Variants in TREML1 observed in about 807,000 individuals in gnomAD.
TREML1 encodes trem-like transcript 1 protein.
TREML1 carries 27 observed loss-of-function variants against 22.8 expected under a neutral mutation model. The observed-to-expected ratio is 1.19, with a 90% CI of 0.87 to 1.64. The LOEUF (loss-of-function observed/expected upper bound fraction) is 1.64. TREML1 is among the 40% of genes most tolerant of loss of function. The pLI is 0.00. For synonymous variants in TREML1, 153 were observed against 161.9 expected, an observed-to-expected ratio of 0.94 and a Z score of 0.42; for missense variants, 356 against 382.0, an observed-to-expected ratio of 0.93 and a Z score of 0.57.
intron 2 of TREML1, among the ~76,000 whole-genome samples, chr6:41,151,910 G>A (rs1053448682): frequency 6.6e-6 from 1 of 152,168 alleles, no homozygotes; most frequent in Non-Finnish European, 1.5e-5. Flanking sequence ...AATCTGGGTG[G>A]GCCCTCATGT....
At chr6:41,150,592 T>C (rs922184371) in intron 4 of TREML1, among the ~76,000 whole-genome samples, 9 of 152,064 alleles carry the variant, frequency 5.9e-5, no homozygotes, top group African/African-American at 2.2e-4. Context: ...CCCATTGCAT[T>C]GCCCTACCCT....
At chr6:41,151,885 C>T (rs1359938567) in intron 2 of TREML1, among the ~76,000 whole-genome samples, 1 of 152,228 alleles carries the variant, frequency 6.6e-6, no homozygotes, top group East Asian at 1.9e-4. Context: ...AAGCTCTGCC[C>T]TCAGGACTGA....
chr6:41,151,235 C>T, intron 3 of TREML1, 47 bp downstream of exon 3: 2 of 1,521,942 alleles, frequency 1.3e-6, no homozygotes, highest in Non-Finnish European at 9.1e-7. Context: ...GTCATTGTCT[C>T]CACCACCACC....
Position 41,149,488 on chromosome 6 carries a change from G to A in TREML1, c.*116C>T. 2 of 1,146,326 alleles carry A rather than the reference G, an allele frequency of 1.7e-6. No homozygotes were observed. The highest frequency in any genetic ancestry group is 4.7e-5 in the East Asian group (2 of 42,230). 71.0% of individuals were successfully genotyped at this position (1,146,326 alleles called of 1,614,324 possible). ...CTAGTAAAGTTAGGACATTGGATTA[G>A]ATCTTAAAGTCCCTGGTTGCTCAGA... On this transcript the variant is annotated 3_prime_UTR_variant, in exon 6 of 6. Transcript: ENST00000426005.
In TREML1 at chr6:41,154,315, G is replaced by C; in HGVS notation, c.-27C>G. ...GCTGGGCAGAGAAATGTCAACTCCT[G>C]GGCTTGCCTGGGCACTGATGCAGCA... On this transcript the variant is annotated 5_prime_UTR_variant, in exon 1 of 6. Coordinates refer to ENST00000426005, the MANE Select transcript of TREML1 (RefSeq NM_178174.4). 1.2e-6 allele frequency: 2 copies of C among 1,605,812 alleles called. No homozygotes were observed. The highest frequency in any genetic ancestry group is 1.7e-6 in the Non-Finnish European group (2 of 1,172,764).
Position 41,153,888 on chromosome 6 carries a change from C to T in TREML1, c.246G>A (p.Leu82=), listed in dbSNP as rs772062263. ...PAGRRTFLTD[L]GGGLLQVEMV... is the part of the protein sequence containing the mutation. ...TTTCCACCTGCAGCAGGCCCCCACC[C>T]AGGTCTGTGAGAAACGTACGCCTGC... is the stretch of plus-strand genomic sequence containing the variant. Residue 82 remains leucine, a synonymous_variant, in exon 2 of 6, where the codon CTG becomes CTA. Transcript: ENST00000426005. 3.7e-6 allele frequency: 6 copies of T among 1,614,210 alleles called. No homozygotes were observed. The East Asian group carries it at 1.1e-4, about 30-fold the overall frequency.
chr6:41,151,234 TCCA>T, intron 3 of TREML1, 45 bp downstream of exon 3: 1 of 1,520,594 alleles, frequency 6.6e-7, no homozygotes. Flanking sequence ...AGTCATTGTC[TCCA>T]CCACCACCCT....
upstream of TREML1, among the ~76,000 whole-genome samples, chr6:41,154,831 C>CTA (rs1184887167): frequency 6.6e-6 from 1 of 152,176 alleles, no homozygotes; most frequent in Non-Finnish European, 1.5e-5. Context: ...GTCCTGGACA[C>CTA]TATAGAACCC....
Position 41,154,085 on chromosome 6 carries a change from C to T in TREML1, c.49G>A (p.Gly17Ser). 6.2e-7 allele frequency: 1 copy of T among 1,610,000 alleles called. No individual in the cohort carries two copies. ...ACCTCAGGGAGGCTGCCAACTATGCCCTGACCTGGGGAAGGAAAGGAGGTG... is the reference window on the plus strand; with the variant it reads ...ACCTCAGGGAGGCTGCCAACTATGCTCTGACCTGGGGAAGGAAAGGAGGTG... Reference protein sequence around the residue: ...LLLLLGLEGQGIVGSLPEVLQ... With the variant: ...LLLLLGLEGQSIVGSLPEVLQ... Residue 17 changes from glycine (G) to serine (S), a missense_variant, in exon 2 of 6, where the codon GGC becomes AGC. Coordinates refer to ENST00000426005, the MANE Select transcript of TREML1 (RefSeq NM_178174.4).
chr6:41,151,769 C>A, intron 2 of TREML1: 2 of 201,732 alleles, frequency 9.9e-6, no homozygotes, highest in Admixed American at 5.1e-5. Context: ...CCTTCCCACC[C>A]GAATAGGTTT....
rs1350767149 is a variant in TREML1 at position 41,154,243 on chromosome 6, T to C, written c.43+3A>G. ...CAGAGCTGCAGCTCCTCCTGAACCT[T>C]ACCTTCTAGTCCCAGGAGCAGCAGC... On this transcript the variant is annotated splice_donor_region_variant and intron_variant, in intron 1 of 5. Transcript: ENST00000426005. 6.2e-7 allele frequency: 1 copy of C among 1,613,706 alleles called. No homozygotes were observed. The highest frequency in any genetic ancestry group is 8.5e-7 in the Non-Finnish European group (1 of 1,179,840).
rs73733365 is a variant in TREML1 at position 41,149,877 on chromosome 6, C to T, written c.663G>A (p.Pro221=). ...GTACATCCAAAGGCAATTCAGCAGC[C>T]GGTCCAGAGTCACTGACGTGGTGGA... ...SVVHHVSDSG[P]AAELPLDVPH... The change falls in exon 6 of 6, where the codon CCG becomes CCA. Residue 221 remains proline (P), a synonymous_variant. Transcript: ENST00000426005. The T allele has an allele frequency of 3.5e-5, 57 of 1,614,056 alleles. No individual in the cohort carries two copies. The Admixed American group carries it at 5.0e-4, about 14-fold the overall frequency.
At chr6:41,150,941 C>A in intron 3 of TREML1, 34 bp from the exon 4 acceptor site, 1 of 1,588,934 alleles carries the variant, frequency 6.3e-7, no homozygotes, top group South Asian at 1.1e-5. Context: ...AGGCTTAGAC[C>A]TGAAGCCTGT....
chr6:41,149,853 TA>T lies in TREML1; in HGVS notation c.686del (p.Val229AspfsTer51). Reference protein sequence around the residue: ...SGPAAELPLDVPHIRLDSPPS... With the variant: ...SGPAAELPLDXPHIRLDSPPS... ...GTGGTGAGTCAAGCCTAATGTGTGGTACATCCAAAGGCAATTCAGCAGCCGG... is the reference window on the plus strand; with the variant it reads ...GTGGTGAGTCAAGCCTAATGTGTGGTCATCCAAAGGCAATTCAGCAGCCGG... On this transcript the variant is annotated frameshift_variant, in exon 6 of 6. Coordinates refer to ENST00000426005, the MANE Select transcript of TREML1 (RefSeq NM_178174.4). LOFTEE classifies it low-confidence loss of function (END_TRUNC). 1 of 1,614,114 alleles carries T rather than the reference TA, an allele frequency of 6.2e-7. No individual in the cohort carries two copies.
rs771878386 is a variant in TREML1 at position 41,149,692 on chromosome 6, G to A, written c.848C>T (p.Thr283Ile). 6.2e-6 allele frequency: 10 copies of A among 1,614,072 alleles called. No homozygotes were observed. In the East Asian group the frequency reaches 2.0e-4, roughly 32 times the overall value. ...LVCSKPVTYA[T>I]VIFPGGNKGG... ...CTTGTTCCCTCCCGGGAAGATTACTGTGGCATATGTCACAGGCTTGGAGCA... is the reference window on the plus strand; with the variant it reads ...CTTGTTCCCTCCCGGGAAGATTACTATGGCATATGTCACAGGCTTGGAGCA... Residue 283 changes from threonine (T) to isoleucine (I), a missense_variant, in exon 6 of 6, where the codon ACA (threonine) becomes ATA (isoleucine). By Grantham distance (89) the Thr-to-Ile change is moderately conservative (BLOSUM62 -1). Coordinates refer to ENST00000426005, the MANE Select transcript of TREML1 (RefSeq NM_178174.4).
intron 1 of TREML1, 36 bp from the exon 2 acceptor site, chr6:41,154,126 A>G (rs758555519): frequency 2.1e-5 from 33 of 1,598,086 alleles, no homozygotes; most frequent in African/African-American, 2.7e-5. Flanking sequence ...TTTGGGCAGG[A>G]GCTGGGAGCA....
intron 4 of TREML1, 41 bp downstream of exon 4, chr6:41,150,778 G>T: frequency 1.3e-6 from 2 of 1,567,144 alleles, no homozygotes; most frequent in Non-Finnish European, 1.8e-6. Flanking sequence ...GTTGATACTG[G>T]AATGGTAGGG....
intron 2 of TREML1, 54 bp from the exon 3 acceptor site, chr6:41,151,438 A>T: frequency 2.0e-6 from 3 of 1,517,202 alleles, no homozygotes; most frequent in Non-Finnish European, 2.7e-6. Context: ...GCATGCCCAT[A>T]TGGGCAGGCT....
Position 41,153,780 on chromosome 6 carries a change from G to C in TREML1, c.354C>G (p.Val118=). ...GARGPQILHR[V]SLNILPPEEE... ...CACCTGGGGGCAGTATGTTCAGAGA[G>C]ACTCTGTGCAAAATCTGGGGCCCCC... Residue 118 remains valine, a synonymous_variant, in exon 2 of 6, where the codon GTC becomes GTG. Coordinates refer to ENST00000426005, the MANE Select transcript of TREML1 (RefSeq NM_178174.4). 1 of 1,612,296 alleles carries C rather than the reference G, an allele frequency of 6.2e-7. No homozygotes were observed. Among genetic ancestry groups the C allele is most frequent in the East Asian group, 2.2e-5 (1 of 44,856 alleles).
Sources: allele counts gnomAD v4.1 joint callset (sites outside exome capture counted in the v4.1 genomes callset), GRCh38; gene constraint gnomAD v4.1.1; transcripts MANE v1.5; gene names NCBI Gene and HGNC (gene_info 2026-07-23, HGNC 2026-07-21).